APPBP2: variants seen among roughly 807,000 people sequenced by gnomAD.
The protein encoded by APPBP2 is amyloid beta precursor protein binding protein 2, also known as amyloid protein-binding protein 2.
Under a neutral mutation model 76.0 loss-of-function variants are expected in APPBP2, and 15 were observed. That is an observed-to-expected ratio of 0.20 (90% confidence interval 0.13 to 0.30). The LOEUF is 0.30. APPBP2 is among the 10% of genes least tolerant of loss of function. APPBP2 has a pLI of 1.00. For missense variants in APPBP2, 401 were observed against 687.2 expected (o/e 0.58, Z 4.66); for synonymous variants, 222 against 242.2 (o/e 0.92, Z 0.77).
intron 3 of APPBP2, among the ~76,000 whole-genome samples, chr17:60,479,678 T>C (rs1008000670): frequency 6.6e-6 from 1 of 152,146 alleles, no homozygotes; most frequent in Non-Finnish European, 1.5e-5. Context: ...GATACACAGA[T>C]AAAAAAAGAC....
intron 1 of APPBP2, among the ~76,000 whole-genome samples, chr17:60,513,997 TAAAAAAAAA>T (rs35785295): frequency 9.2e-6 from 1 of 108,578 alleles, no homozygotes; most frequent in Non-Finnish European, 1.9e-5. Context: ...TTCCCCACAT[TAAAAAAAAA>T]AAAAAAAAAA....
chr17:60,495,446 ATTTAT>A (rs1567934601), intron 2 of APPBP2, among the ~76,000 whole-genome samples: 923 of 48,808 alleles, frequency 0.019, 10 homozygotes, highest in African/African-American at 0.061. Flanking sequence ...TTTATTATTT[ATTTAT>A]TTATTTATTT....
At position 60,497,750 on chromosome 17, in the gene APPBP2, G is replaced by T. The variant is rs866531123; in HGVS notation, c.227+2649C>A. On this transcript the variant is annotated intron_variant, in intron 2 of 12. Coordinates refer to ENST00000083182, the MANE Select transcript of APPBP2 (RefSeq NM_006380.5). The stretch of plus-strand genomic sequence containing the variant: ...ACAACTTGGTAAGATTCTTATTAGA[G>T]ATCAGCAGTATTTTGTGAAACTATA... Among the ~76,000 whole-genome samples the T allele has an allele frequency of 2.0e-5, 3 of 152,230 alleles. No individual in the cohort carries two copies. In the East Asian group the frequency reaches 5.8e-4, roughly 29 times the overall value.
chr17:60,493,666 G>C (rs2090750130), intron 3 of APPBP2, among the ~76,000 whole-genome samples: 1 of 141,774 alleles, frequency 7.1e-6, no homozygotes, highest in Admixed American at 7.3e-5. Context: ...TTCTGAGACA[G>C]AGTCTCCCTG....
intron 3 of APPBP2, among the ~76,000 whole-genome samples, chr17:60,493,090 T>C (rs56401402): frequency 0.08 from 12,168 of 152,178 alleles, 1,637 homozygotes; most frequent in African/African-American, 0.28. Flanking sequence ...GTTTCCCCTA[T>C]CTCTTGGCTC....
At chr17:60,517,094 G>C (rs1458384385) in intron 1 of APPBP2, among the ~76,000 whole-genome samples, 1 of 152,082 alleles carries the variant, frequency 6.6e-6, no homozygotes, top group East Asian at 1.9e-4. Context: ...TCCTGCCTCA[G>C]ACTCCCAAGT....
chr17:60,473,076 C>T (rs2090564870), intron 4 of APPBP2, among the ~76,000 whole-genome samples: 1 of 152,078 alleles, frequency 6.6e-6, no homozygotes, highest in African/African-American at 2.4e-5. Flanking sequence ...GAATTGAGCC[C>T]ATTTACATGT....
rs1466165451 is a variant in APPBP2, at chr17:60,445,468, CAT to C, written c.*2111_*2112del. The C allele has an allele frequency of 4.6e-5, 7 of 152,448 alleles. No individual in the cohort carries two copies. The highest frequency in any genetic ancestry group is 6.6e-5 in the Admixed American group (1 of 15,252). The allele number at this position is 152,448 out of a possible 1,614,324, so 9.4% of individuals were successfully genotyped here. A position where few individuals can be genotyped will look rare whatever the true frequency, so the allele number is the denominator to read the frequency against. ...TTGAAAAAAAAACTTCATATGGAAA[CAT>C]GTTTCAAAATATTTATTGAAAAACA... On this transcript the variant is annotated 3_prime_UTR_variant, in exon 13 of 13. Transcript: ENST00000083182.
At chr17:60,520,849 A>G (rs1209097420) in intron 1 of APPBP2, among the ~76,000 whole-genome samples, 2 of 152,176 alleles carry the variant, frequency 1.3e-5, no homozygotes, top group Non-Finnish European at 2.9e-5. Flanking sequence ...GGTGTGAGCT[A>G]CCACACCTGG....
At chr17:60,470,943 A>G (rs758325815) in intron 4 of APPBP2, among the ~76,000 whole-genome samples, 1 of 150,624 alleles carries the variant, frequency 6.6e-6, no homozygotes, top group African/African-American at 2.5e-5. Context: ...GGTGTGCACC[A>G]CCACGCCTGG....
intron 3 of APPBP2, among the ~76,000 whole-genome samples, chr17:60,491,816 A>G (rs1477431586): frequency 1.3e-5 from 2 of 152,206 alleles, no homozygotes; most frequent in Non-Finnish European, 2.9e-5. Flanking sequence ...TGCGATAGAA[A>G]AGAAAAACTC....
At chr17:60,495,985 C>T (rs2090772867) in intron 2 of APPBP2, among the ~76,000 whole-genome samples, 1 of 152,142 alleles carries the variant, frequency 6.6e-6, no homozygotes, top group Admixed American at 6.6e-5. Context: ...ATGCAAGCAA[C>T]AACATGAATG....
chr17:60,521,753 G>A (rs1407796062), intron 1 of APPBP2, among the ~76,000 whole-genome samples: 2 of 151,814 alleles, frequency 1.3e-5, no homozygotes, highest in Admixed American at 6.6e-5. Flanking sequence ...ACAGAAATTC[G>A]TTAACTTTCT....
At chr17:60,470,134 T>C (rs1445576727) in intron 4 of APPBP2, among the ~76,000 whole-genome samples, 5 of 152,230 alleles carry the variant, frequency 3.3e-5, no homozygotes, top group Non-Finnish European at 5.9e-5. Context: ...TGGTAGCTCA[T>C]TATGTTTGAT....
chr17:60,454,450 T>A lies in APPBP2; in HGVS notation c.1190A>T (p.Glu397Val), dbSNP rs201414667. Residue 397 changes from glutamate (E) to valine (V), a missense_variant, in exon 11 of 13, where the codon GAA becomes GTA. Glu to Val is a moderately radical substitution (Grantham distance 121, BLOSUM62 -2). Transcript: ENST00000083182. ...EEIAIDCHNK[E>V]TEQRLLQEAH... ...TTCTTGAAGCAGCCTCTGTTCAGTT[T>A]CCTTATTATGACAATCAATTGCAAT... The A allele has an allele frequency of 2.4e-5, 38 of 1,606,914 alleles. No homozygotes were observed. The highest frequency in any genetic ancestry group is 8.5e-7 in the Non-Finnish European group (1 of 1,177,634).
Position 60,444,805 on chromosome 17 carries a change from G to C in APPBP2, c.*2776C>G, listed in dbSNP as rs907179364. 2 of 152,440 alleles carry C rather than the reference G, an allele frequency of 1.3e-5. No individual in the cohort carries two copies. The highest frequency in any genetic ancestry group is 4.8e-5 in the African/African-American group (2 of 41,390). The allele number at this position is 152,440 out of a possible 1,614,324, so 9.4% of individuals were successfully genotyped here. ...TGATGCACCCAACTGGAGTAGCACC[G>C]AACTTTAGGAAAAGACTGGGTAGAA... On this transcript the variant is annotated 3_prime_UTR_variant, in exon 13 of 13. Coordinates refer to ENST00000083182, the MANE Select transcript of APPBP2 (RefSeq NM_006380.5).
intron 11 of APPBP2, among the ~76,000 whole-genome samples, chr17:60,452,925 A>T (rs1386316896): frequency 6.6e-6 from 1 of 152,046 alleles, no homozygotes; most frequent in African/African-American, 2.4e-5. Context: ...CAGAGTAAGA[A>T]CCCATATTAA....
intron 1 of APPBP2, among the ~76,000 whole-genome samples, chr17:60,513,872 G>C (rs1033972949): frequency 6.6e-6 from 1 of 150,382 alleles, no homozygotes; most frequent in African/African-American, 2.4e-5. Flanking sequence ...AAAGAAAATA[G>C]AGCATATATG....
At position 60,447,266 on chromosome 17, in the gene APPBP2, TA is replaced by T. The variant is rs1190571298; in HGVS notation, c.*314del. ...ACTCTTAAATAGTTTTATTTAGGGG[TA>T]TTTTTTTTCTTTCAGGCTTTCTGCA... On this transcript the variant is annotated 3_prime_UTR_variant, in exon 13 of 13. Coordinates refer to ENST00000083182, the MANE Select transcript of APPBP2 (RefSeq NM_006380.5). The T allele has an allele frequency of 4.3e-5, 10 of 230,412 alleles. No homozygotes were observed. In the South Asian group the frequency reaches 1.2e-3, roughly 28 times the overall value. 14.3% of individuals were successfully genotyped at this position (230,412 alleles called of 1,614,324 possible).
Sources: allele counts gnomAD v4.1 joint callset (sites outside exome capture counted in the v4.1 genomes callset), GRCh38; gene constraint gnomAD v4.1.1; transcripts MANE v1.5; gene names NCBI Gene and HGNC (gene_info 2026-07-23, HGNC 2026-07-21).